The following UPF2 variants were observed in gnomAD, a reference collection of about 807,000 sequenced individuals.
UPF2 encodes regulator of nonsense transcripts 2.
UPF2 carries 17 observed loss-of-function variants against 141.4 expected under a neutral mutation model. The ratio of observed to expected loss-of-function variants is 0.12; its 90% CI spans 0.08 to 0.18. The LOEUF is 0.18. UPF2 is among the 10% of genes least tolerant of loss of function. The pLI, the probability that UPF2 is intolerant of heterozygous loss-of-function variation, is 1.00. For synonymous variants in UPF2, 540 were observed against 498.0 expected (o/e 1.08, Z -1.12); for missense variants, 1,152 against 1,515.9 (o/e 0.76, Z 3.99).
intron 8 of UPF2, among the ~76,000 whole-genome samples, chr10:11,981,268 A>C (rs1833588964): frequency 6.6e-6 from 1 of 152,206 alleles, no homozygotes; most frequent in Non-Finnish European, 1.5e-5. Context: ...ACTCCTCAAA[A>C]ACTTGGGCTA....
At chr10:11,967,272 T>A in intron 10 of UPF2, 69 bp downstream of exon 10, 2 of 909,316 alleles carry the variant, frequency 2.2e-6, no homozygotes, top group South Asian at 4.5e-5. Flanking sequence ...ATTATTTCAC[T>A]TTATCCACCA....
Position 11,992,956 on chromosome 10 carries a change from C to T in UPF2, c.1844+4716G>A, listed in dbSNP as rs1833804089. Among the ~76,000 whole-genome samples the T allele has an allele frequency of 6.6e-6, 1 of 152,070 alleles. No homozygotes were observed. Among genetic ancestry groups the T allele is most frequent in the Admixed American group, 6.6e-5 (1 of 15,262 alleles). On this transcript the variant is annotated intron_variant, in intron 8 of 21. Transcript: ENST00000357604. This position sits in a 1 kb window ranked among gnomAD's most constrained non-coding sequence, Gnocchi z 4.1. ...TTGCGGTCAGGAGTTCAAGACCAGC[C>T]TGGTTAATATGGTGAAACCCCGTTT...
intron 8 of UPF2, among the ~76,000 whole-genome samples, chr10:11,984,225 A>T (rs1336170702): frequency 6.6e-6 from 1 of 152,120 alleles, no homozygotes; most frequent in East Asian, 1.9e-4. Flanking sequence ...CCGATCAATT[A>T]ATAACTTTTA....
At chr10:11,945,436 C>T (rs909186028) in intron 16 of UPF2, among the ~76,000 whole-genome samples, 5 of 152,110 alleles carry the variant, frequency 3.3e-5, no homozygotes, top group African/African-American at 1.2e-4. Context: ...GTTTGGAGGG[C>T]GGTCATAGGA....
At position 11,956,586 on chromosome 10, in the gene UPF2, A is replaced by G. The variant is rs1833155480; in HGVS notation, c.2371-63T>C. On this transcript the variant is annotated intron_variant, in intron 12 of 21. Coordinates refer to ENST00000357604, the MANE Select transcript of UPF2 (RefSeq NM_015542.4). The surrounding 1 kb of genome is among the most constrained non-coding windows in gnomAD (Gnocchi z 4.2). ...GTACACAGTAGCCTGACCAAATAATACAGAAATTTTGCTATGATTGCGCAG... is the reference window on the plus strand; with the variant it reads ...GTACACAGTAGCCTGACCAAATAATGCAGAAATTTTGCTATGATTGCGCAG... The G allele has an allele frequency of 3.3e-6, 5 of 1,501,562 alleles. No homozygotes were observed. Among genetic ancestry groups the G allele is most frequent in the Non-Finnish European group, 3.6e-6 (4 of 1,103,278 alleles). The allele number at this position is 1,501,562 out of a possible 1,614,324, so 93.0% of individuals were successfully genotyped here. A position where few individuals can be genotyped will look rare whatever the true frequency, so the allele number is the denominator to read the frequency against.
chr10:12,001,431 T>C (rs934261656), intron 6 of UPF2, among the ~76,000 whole-genome samples: 1 of 151,780 alleles, frequency 6.6e-6, no homozygotes, highest in African/African-American at 2.4e-5. Flanking sequence ...AAAAATAAAA[T>C]AAAAAATATT....
chr10:12,029,156 T>C lies in UPF2; in HGVS notation c.734A>G (p.Lys245Arg). Reference protein sequence around the residue: ...DFAPSLLQVWKKHFEARKEEK... With the variant: ...DFAPSLLQVWRKHFEARKEEK... Reference sequence around the variant, plus strand: ...CTCTTTCCTTGCTTCAAAATGTTTTTTCCAGACCTGAAGAAGTGATGGGGC... The same window carrying C: ...CTCTTTCCTTGCTTCAAAATGTTTTCTCCAGACCTGAAGAAGTGATGGGGC... The change falls in exon 3 of 22, where the codon AAA (lysine) becomes AGA (arginine). Residue 245 changes from lysine to arginine, a missense_variant. Lys to Arg is a conservative substitution (Grantham distance 26). This residue lies in a region of UPF2 where 739 missense variants were observed against 1,032.2 expected (regional missense o/e 0.72). Coordinates refer to ENST00000357604, the MANE Select transcript of UPF2 (RefSeq NM_015542.4). The C allele has an allele frequency of 6.2e-7, 1 of 1,614,254 alleles. No individual in the cohort carries two copies. Among genetic ancestry groups the C allele is most frequent in the Non-Finnish European group, 8.5e-7 (1 of 1,180,042 alleles).
chr10:11,948,093 C>T (rs1249487259), intron 16 of UPF2, among the ~76,000 whole-genome samples: 3 of 151,524 alleles, frequency 2.0e-5, no homozygotes, highest in Non-Finnish European at 2.9e-5. Flanking sequence ...ACTAAAAATA[C>T]AAAAATTAGC....
intron 1 of UPF2, 122 bp from the exon 2 acceptor site, chr10:12,035,563 A>G: frequency 9.5e-7 from 1 of 1,056,448 alleles, no homozygotes; most frequent in Non-Finnish European, 1.3e-6. Flanking sequence ...AAATAAAGGC[A>G]GGTAAAATGA....
intron 21 of UPF2, among the ~76,000 whole-genome samples, chr10:11,926,359 A>G (rs1588521527): frequency 6.6e-6 from 1 of 152,276 alleles, no homozygotes; most frequent in African/African-American, 2.4e-5. Context: ...AAAATGTGAG[A>G]TCTGGGCTGG....
intron 6 of UPF2, 86 bp downstream of exon 6, chr10:12,001,590 T>C (rs1360796508): frequency 3.9e-6 from 5 of 1,288,194 alleles, no homozygotes; most frequent in Non-Finnish European, 5.2e-6. Flanking sequence ...AAATACAGAA[T>C]TAAGGAGAAA....
At chr10:11,962,880 T>C (rs140159240) in intron 11 of UPF2, among the ~76,000 whole-genome samples, 21 of 152,312 alleles carry the variant, frequency 1.4e-4, no homozygotes, top group African/African-American at 5.1e-4. Context: ...AAAACTGCTT[T>C]TTTCAAGAAC....
intron 4 of UPF2, among the ~76,000 whole-genome samples, chr10:12,009,034 T>G (rs1834085374): frequency 6.6e-6 from 1 of 152,198 alleles, no homozygotes. Context: ...CTCTTTTTTA[T>G]GGCTGCATAG....
rs1329501733 is a variant in UPF2 at position 11,998,629 on chromosome 10, G to T, written c.1759-872C>A. The stretch of plus-strand genomic sequence containing the variant: ...GCACTCTGGGAGGCCGAGGTGGGTG[G>T]ATCACGTGAGGTCAGGAGTTCAAGA... On this transcript the variant is annotated intron_variant, in intron 7 of 21. Transcript: ENST00000357604. This position sits in a 1 kb window ranked among gnomAD's most constrained non-coding sequence, Gnocchi z 4.5. Among the ~76,000 whole-genome samples, 1 of 152,140 alleles carries T rather than the reference G, an allele frequency of 6.6e-6. No homozygotes were observed. Among genetic ancestry groups the T allele is most frequent in the Non-Finnish European group, 1.5e-5 (1 of 68,030 alleles).
intron 19 of UPF2, among the ~76,000 whole-genome samples, chr10:11,934,839 T>C (rs143968784): frequency 4.6e-5 from 7 of 152,108 alleles, no homozygotes; most frequent in East Asian, 1.9e-4. Flanking sequence ...CCGCCCGCCT[T>C]GGCCTCCCAA....
At chr10:11,972,731 C>T (rs11257459) in intron 9 of UPF2, among the ~76,000 whole-genome samples, 9,796 of 152,266 alleles carry the variant, frequency 0.064, 552 homozygotes, top group East Asian at 0.24. Context: ...TTTATGGCTG[C>T]ATAGTATTCC....
chr10:11,963,029 A>G (rs187196733), intron 11 of UPF2, among the ~76,000 whole-genome samples: 25 of 152,144 alleles, frequency 1.6e-4, no homozygotes, highest in African/African-American at 2.9e-4. Context: ...TGACTGTCCT[A>G]TTAGGCTATA....
intron 19 of UPF2, among the ~76,000 whole-genome samples, chr10:11,933,224 A>G (rs1281014641): frequency 6.6e-6 from 1 of 152,208 alleles, no homozygotes; most frequent in Non-Finnish European, 1.5e-5. Context: ...AAGACATTTC[A>G]CATTTGTAGA....
intron 2 of UPF2, 118 bp from the exon 3 acceptor site, chr10:12,029,642 T>C (rs780649202): frequency 1.1e-4 from 128 of 1,143,390 alleles, no homozygotes; most frequent in Non-Finnish European, 1.5e-4. Flanking sequence ...ATCTACAAGA[T>C]TCAAAAGGCC....
Sources: allele counts gnomAD v4.1 joint callset (sites outside exome capture counted in the v4.1 genomes callset), GRCh38; gene constraint gnomAD v4.1.1; regional missense constraint gnomAD v4.1.1; non-coding constraint Gnocchi (gnomAD v3.1); transcripts MANE v1.5; gene names NCBI Gene and HGNC (gene_info 2026-07-23, HGNC 2026-07-21).